Variants in ADAM9 observed in about 807,000 individuals in gnomAD.
The protein encoded by ADAM9 is disintegrin and metalloproteinase domain-containing protein 9.
A neutral mutation model predicts 108.1 loss-of-function variants in ADAM9; 54 were observed. The ratio of observed to expected loss-of-function variants is 0.50; its 90% CI spans 0.40 to 0.63. The LOEUF is 0.63. ADAM9 is among the 20% of genes least tolerant of loss of function. The pLI is 0.00. For synonymous variants in ADAM9, 316 were observed against 336.0 expected, an observed-to-expected ratio of 0.94 and a Z score of 0.65; for missense variants, 830 against 997.7, an observed-to-expected ratio of 0.83 and a Z score of 2.26.
At chr8:39,058,584 A>C (rs976766571) in intron 14 of ADAM9, among the ~76,000 whole-genome samples, 1 of 152,180 alleles carries the variant, frequency 6.6e-6, no homozygotes, top group Non-Finnish European at 1.5e-5. Context: ...GTAGTAGGCC[A>C]GTTTCCCTTT....
intron 3 of ADAM9, among the ~76,000 whole-genome samples, 176 bp downstream of exon 3, chr8:39,011,892 G>A (rs1022541689): frequency 6.6e-6 from 1 of 152,218 alleles, no homozygotes; most frequent in Admixed American, 6.5e-5. Context: ...TTCTAAACAG[G>A]AAAGAAGGCA....
At chr8:39,085,631 A>G (rs534514619) in intron 18 of ADAM9, among the ~76,000 whole-genome samples, 7 of 152,246 alleles carry the variant, frequency 4.6e-5, no homozygotes, top group African/African-American at 1.7e-4. Flanking sequence ...CTCCCGTTTT[A>G]CTTCTAAGGA....
chr8:39,018,724 A>G (rs1836631404), intron 6 of ADAM9, 129 bp from the exon 7 acceptor site: 1 of 834,078 alleles, frequency 1.2e-6, no homozygotes. Context: ...CACTTTCTTG[A>G]TATAGGATAT....
intron 11 of ADAM9, among the ~76,000 whole-genome samples, chr8:39,039,555 C>T (rs1052047838): frequency 1.3e-5 from 2 of 152,212 alleles, no homozygotes; most frequent in African/African-American, 4.8e-5. Flanking sequence ...GTCCCATTTC[C>T]TCCACCTCCA....
At chr8:39,095,863 A>G (rs1013764476) in intron 20 of ADAM9, among the ~76,000 whole-genome samples, 1 of 152,150 alleles carries the variant, frequency 6.6e-6, no homozygotes, top group Non-Finnish European at 1.5e-5. Flanking sequence ...CACCTTTACC[A>G]TTAATGCACT....
intron 6 of ADAM9, 86 bp from the exon 7 acceptor site, chr8:39,018,766 CA>C: frequency 8.9e-7 from 1 of 1,128,914 alleles, no homozygotes; most frequent in Non-Finnish European, 1.4e-6. Context: ...ATGTTCTTAG[CA>C]GACATGAAAT....
chr8:39,087,028 A>G (rs929204736), intron 18 of ADAM9, among the ~76,000 whole-genome samples: 3 of 152,140 alleles, frequency 2.0e-5, no homozygotes, highest in African/African-American at 7.2e-5. Flanking sequence ...ACATGCATAT[A>G]TCCATCAGCA....
intron 7 of ADAM9, among the ~76,000 whole-genome samples, chr8:39,020,052 G>C (rs775831539): frequency 6.6e-6 from 1 of 152,208 alleles, no homozygotes; most frequent in Non-Finnish European, 1.5e-5. Flanking sequence ...TTGGGAGGCC[G>C]AGGCGGGCGG....
At chr8:39,015,877 G>A (rs908665357) in intron 4 of ADAM9, 38 of 497,978 alleles carry the variant, frequency 7.6e-5, no homozygotes, top group Non-Finnish European at 1.3e-4. Context: ...AGGCAGAGCT[G>A]TTTGTACCTT....
At chr8:39,048,068 G>A (rs111734529) in intron 12 of ADAM9, among the ~76,000 whole-genome samples, 11 of 151,794 alleles carry the variant, frequency 7.2e-5, no homozygotes, top group African/African-American at 2.7e-4. Flanking sequence ...TTACAGGCGC[G>A]CACCACCATG....
chr8:39,072,672 CCT>C (rs1481390315), intron 15 of ADAM9, among the ~76,000 whole-genome samples: 5 of 152,212 alleles, frequency 3.3e-5, no homozygotes, highest in African/African-American at 1.2e-4. Context: ...TGTCTTTCCC[CCT>C]CTCAGCCTGC....
At chr8:39,090,864 AC>A (rs1255834946) in intron 19 of ADAM9, among the ~76,000 whole-genome samples, 1 of 152,158 alleles carries the variant, frequency 6.6e-6, no homozygotes, top group Non-Finnish European at 1.5e-5. Context: ...TCTAAAACTT[AC>A]CTATTACCTT....
chr8:39,044,854 ATGTG>A (rs550520817), intron 12 of ADAM9, among the ~76,000 whole-genome samples: 120 of 150,258 alleles, frequency 8.0e-4, no homozygotes, highest in African/African-American at 2.6e-3. Flanking sequence ...GGGTGTGTGT[ATGTG>A]TGTGTGTGTA....
At chr8:39,005,222 C>T (rs190229742) in intron 1 of ADAM9, among the ~76,000 whole-genome samples, 85 of 152,114 alleles carry the variant, frequency 5.6e-4, no homozygotes, top group African/African-American at 2.0e-3. Context: ...ATCTTGTATC[C>T]GGGGTAGAGA....
chr8:39,034,067 T>G (rs577728028), intron 11 of ADAM9, among the ~76,000 whole-genome samples: 63 of 152,300 alleles, frequency 4.1e-4, no homozygotes, highest in Non-Finnish European at 7.4e-4. Context: ...ATATTTATTT[T>G]CACTTTGTAG....
chr8:39,045,482 A>ATATGTGCGTGTGTGTACACACACCTC, intron 12 of ADAM9, among the ~76,000 whole-genome samples: 1 of 148,708 alleles, frequency 6.7e-6, no homozygotes, highest in East Asian at 2.0e-4. Flanking sequence ...ACACACACCT[A>ATATGTGCGTGTGTGTACACACACCTC]TATGTGCGTG....
intron 8 of ADAM9, among the ~76,000 whole-genome samples, chr8:39,022,184 T>C (rs990755791): frequency 6.6e-6 from 1 of 152,196 alleles, no homozygotes; most frequent in East Asian, 1.9e-4. Context: ...GAATTAGATA[T>C]ATGTTCTTAT....
chr8:39,023,736 G>GTTTTTTTTTTTTTTTTTTTTTTTTTT (rs1836824287), intron 9 of ADAM9, among the ~76,000 whole-genome samples: 1 of 119,478 alleles, frequency 8.4e-6, no homozygotes, highest in Admixed American at 8.5e-5. Flanking sequence ...TTTCTTTTGC[G>GTTTTTTTTTTTTTTTTTTTTTTTTTT]TTTGTTTTTT....
intron 20 of ADAM9, 44 bp downstream of exon 20, chr8:39,091,390 G>T (rs369425859): frequency 7.9e-6 from 12 of 1,516,700 alleles, no homozygotes; most frequent in Non-Finnish European, 1.1e-5. Flanking sequence ...TGTATTAAAG[G>T]ATCAAATGCT....
Sources: allele counts gnomAD v4.1 joint callset (sites outside exome capture counted in the v4.1 genomes callset), GRCh38; gene constraint gnomAD v4.1.1; transcripts MANE v1.5; gene names NCBI Gene and HGNC (gene_info 2026-07-23, HGNC 2026-07-21).